Variants in STYXL2 observed in about 807,000 individuals in gnomAD.
STYXL2 encodes the protein serine/threonine/tyrosine-interacting-like protein 2.
A neutral mutation model predicts 52.4 loss-of-function variants in STYXL2; 44 were observed. The ratio of observed to expected loss-of-function variants is 0.84; its 90% CI spans 0.66 to 1.08. The LOEUF is 1.08. Ranked by LOEUF, STYXL2 falls within the 50% of genes least tolerant of loss-of-function variation. The pLI is 0.00. For synonymous variants in STYXL2, 604 were observed against 586.9 expected (o/e 1.03, Z -0.42); for missense variants, 1,604 against 1,471.7 (o/e 1.09, Z -1.47).
At chr1:167,106,860 G>A (rs188502905) in intron 2 of STYXL2, among the ~76,000 whole-genome samples, 51 of 152,318 alleles carry the variant, frequency 3.3e-4, no homozygotes, top group Middle Eastern at 6.8e-3. Flanking sequence ...GAGGAGAAGA[G>A]TGCCTAAGCA....
intron 2 of STYXL2, among the ~76,000 whole-genome samples, chr1:167,102,112 G>A (rs1667415192): frequency 6.6e-6 from 1 of 151,836 alleles, no homozygotes; most frequent in African/African-American, 2.4e-5. Flanking sequence ...TCTCTACAGT[G>A]GCAGAAAGCA....
chr1:167,108,892 C>T (rs1408683686), intron 2 of STYXL2, among the ~76,000 whole-genome samples: 1 of 152,228 alleles, frequency 6.6e-6, no homozygotes, highest in African/African-American at 2.4e-5. Context: ...CACACATCCT[C>T]ACTGGGGAAC....
At chr1:167,123,364 A>C (rs1036262675) in intron 5 of STYXL2, among the ~76,000 whole-genome samples, 2 of 152,228 alleles carry the variant, frequency 1.3e-5, no homozygotes, top group Admixed American at 6.5e-5. Flanking sequence ...GGTCTCCGCC[A>C]GACTGAGTCT....
In STYXL2 at chr1:167,119,378, A is replaced by G. The variant is rs760056068; in HGVS notation, c.567A>G (p.Val189=). The G allele has an allele frequency of 3.7e-6, 6 of 1,614,242 alleles. No homozygotes were observed. The highest frequency in any genetic ancestry group is 1.7e-5 in the Admixed American group (1 of 60,032). The part of the protein sequence containing the change: ...YTGLEIQYLG[V]EVDDFPEVDI... ...GCCTGGAGATCCAGTACCTGGGTGT[A>G]GAGGTGGATGACTTTCCTGAGGTGG... The change falls in exon 5 of 6, where the codon GTA becomes GTG. Residue 189 remains valine, a synonymous_variant. Transcript: ENST00000361200.
chr1:167,123,144 C>G (rs1454635083), intron 5 of STYXL2, among the ~76,000 whole-genome samples: 1 of 152,164 alleles, frequency 6.6e-6, no homozygotes, highest in Non-Finnish European at 1.5e-5. Flanking sequence ...AAGAGGCCCC[C>G]TAGAGTTGTG....
chr1:167,095,313 G>A (rs1277035528), intron 2 of STYXL2, among the ~76,000 whole-genome samples: 1 of 151,378 alleles, frequency 6.6e-6, no homozygotes, highest in Non-Finnish European at 1.5e-5. Context: ...GCTTGATTCA[G>A]TAGGACTGGG....
chr1:167,107,106 T>C (rs776706436), intron 2 of STYXL2, among the ~76,000 whole-genome samples: 23 of 152,146 alleles, frequency 1.5e-4, no homozygotes, highest in Non-Finnish European at 3.2e-4. Context: ...ATTCACATGG[T>C]TGGCTGTTGG....
At chr1:167,113,951 C>T (rs1571340147) in intron 3 of STYXL2, 147 bp downstream of exon 3, 2 of 687,934 alleles carry the variant, frequency 2.9e-6, no homozygotes, top group Middle Eastern at 5.3e-4. Context: ...GTTCTGCCAA[C>T]CCTACCTCCT....
intron 2 of STYXL2, among the ~76,000 whole-genome samples, chr1:167,109,229 G>A (rs545337286): frequency 6.6e-6 from 1 of 152,300 alleles, no homozygotes; most frequent in Non-Finnish European, 1.5e-5. Flanking sequence ...ACCACAGTGG[G>A]GTAGTGGCAG....
intron 3 of STYXL2, 115 bp downstream of exon 3, chr1:167,113,919 A>G: frequency 1.2e-6 from 1 of 817,650 alleles, no homozygotes; most frequent in Non-Finnish European, 2.1e-6. Flanking sequence ...TCACGTTAGG[A>G]AGAGCAGATC....
intron 2 of STYXL2, among the ~76,000 whole-genome samples, chr1:167,099,806 A>C (rs1183900027): frequency 6.6e-6 from 1 of 152,380 alleles, no homozygotes; most frequent in East Asian, 1.9e-4. Flanking sequence ...TATGTGCACC[A>C]GAAGATAAAT....
Position 167,128,664 on chromosome 1 carries a change from G to A in STYXL2, c.*56G>A, listed in dbSNP as rs564778148. The A allele has an allele frequency of 2.0e-6, 3 of 1,534,208 alleles. No individual in the cohort carries two copies. The highest frequency in any genetic ancestry group is 2.6e-5 in the South Asian group (2 of 77,374). The stretch of plus-strand genomic sequence containing the variant: ...ACCACTCACGTTAGCATAGGGCTCA[G>A]GGCACACGTTGCCACCACTCATCGC... On this transcript the variant is annotated 3_prime_UTR_variant, in exon 6 of 6. Transcript: ENST00000361200.
Position 167,125,950 on chromosome 1 carries a change from G to A in STYXL2, c.819G>A (p.Glu273=). ...PNEGFLKQLR[E]LNEKLMEERE... ...AGGGCTTCCTGAAGCAGCTGCGGGA[G>A]CTCAATGAGAAGTTGATGGAGGAGA... The change falls in exon 6 of 6, where the codon GAG becomes GAA. Residue 273 remains glutamate, a synonymous_variant. Transcript: ENST00000361200. 1.2e-6 allele frequency: 2 copies of A among 1,614,000 alleles called. No homozygotes were observed. Among genetic ancestry groups the A allele is most frequent in the Non-Finnish European group, 1.7e-6 (2 of 1,180,010 alleles).
At chr1:167,125,660 T>A (rs1486242782) in intron 5 of STYXL2, 127 bp from the exon 6 acceptor site, 1 of 1,375,702 alleles carries the variant, frequency 7.3e-7, no homozygotes, top group Admixed American at 3.1e-5. Flanking sequence ...CGGATGAACT[T>A]CAGAGGCAAA....
intron 2 of STYXL2, among the ~76,000 whole-genome samples, chr1:167,112,403 T>G (rs575946878): frequency 1.6e-4 from 25 of 152,306 alleles, no homozygotes; most frequent in Non-Finnish European, 3.2e-4. Context: ...ACTAATCAAT[T>G]CAACTTAATT....
Sources: allele counts gnomAD v4.1 joint callset (sites outside exome capture counted in the v4.1 genomes callset), GRCh38; gene constraint gnomAD v4.1.1; transcripts MANE v1.5; gene names NCBI Gene and HGNC (gene_info 2026-07-23, HGNC 2026-07-21).